CD200R1L: variants seen among roughly 807,000 people sequenced by gnomAD.
CD200R1L encodes CD200 receptor 1 like.
In CD200R1L, 14 loss-of-function variants were observed where a neutral mutation model predicts 24.8. The observed-to-expected ratio is 0.56, with a 90% CI of 0.37 to 0.88. The LOEUF is 0.88. CD200R1L is among the 40% of genes least tolerant of loss of function. CD200R1L has a pLI of 0.00. For missense variants in CD200R1L, 299 were observed against 297.8 expected (o/e 1.00, Z -0.03); for synonymous variants, 111 against 109.2 (o/e 1.02, Z -0.11).
intron 1 of CD200R1L, among the ~76,000 whole-genome samples, chr3:112,846,166 A>G (rs966876786): frequency 1.3e-5 from 2 of 152,214 alleles, no homozygotes; most frequent in Non-Finnish European, 1.5e-5. Context: ...AGATGTTGAT[A>G]ATTATTATTC....
At chr3:112,829,188 C>A in intron 4 of CD200R1L, 131 bp downstream of exon 4, 1 of 661,594 alleles carries the variant, frequency 1.5e-6, no homozygotes, top group East Asian at 2.7e-5. Context: ...TCCTTCGTAC[C>A]ACAGCACTCA....
intron 2 of CD200R1L, among the ~76,000 whole-genome samples, chr3:112,842,622 G>A (rs924159801): frequency 3.9e-5 from 6 of 152,206 alleles, no homozygotes; most frequent in African/African-American, 7.2e-5. Flanking sequence ...ATAAATGGGT[G>A]TGAAAGTAGG....
intron 3 of CD200R1L, among the ~76,000 whole-genome samples, chr3:112,834,215 A>G (rs1431817496): frequency 6.9e-6 from 1 of 144,114 alleles, no homozygotes; most frequent in African/African-American, 2.5e-5. Flanking sequence ...GAAGTGGGGT[A>G]GTCTCACTCA....
chr3:112,823,094 A>G (rs1197932638), intron 6 of CD200R1L, among the ~76,000 whole-genome samples: 1 of 152,190 alleles, frequency 6.6e-6, no homozygotes, highest in African/African-American at 2.4e-5. Context: ...TAACTCATAA[A>G]CCAGCTTTGT....
chr3:112,816,981 C>T (rs1938411100), intron 7 of CD200R1L, among the ~76,000 whole-genome samples: 1 of 152,150 alleles, frequency 6.6e-6, no homozygotes, highest in Non-Finnish European at 1.5e-5. Flanking sequence ...CCATGTGGAA[C>T]TGTGAGTCAA....
Position 112,832,655 on chromosome 3 carries a change from A to G in CD200R1L, c.-17-3271T>C, listed in dbSNP as rs147489570. On this transcript the variant is annotated intron_variant, in intron 3 of 7. Coordinates refer to ENST00000488794, the MANE Select transcript of CD200R1L (RefSeq NM_001199215.3). ...TATAGTAGATCAATGCAAAATTACC[A>G]AAGTATCAGCCCCAACGGCAGCTAC... 2.4e-3 allele frequency among the ~76,000 whole-genome samples: 372 copies of G among 152,308 alleles called. 2 individuals carry two copies. Among genetic ancestry groups the G allele is most frequent in the African/African-American group, 8.5e-3 (355 of 41,566 alleles).
At chr3:112,818,538 A>G (rs1446213378) in intron 7 of CD200R1L, among the ~76,000 whole-genome samples, 2 of 152,262 alleles carry the variant, frequency 1.3e-5, no homozygotes, top group Non-Finnish European at 2.9e-5. Context: ...CTAGCAAGCA[A>G]GTAATGGATG....
At chr3:112,830,582 T>G (rs1278178491) in intron 3 of CD200R1L, among the ~76,000 whole-genome samples, 1 of 150,668 alleles carries the variant, frequency 6.6e-6, no homozygotes, top group African/African-American at 2.4e-5. Flanking sequence ...CTGATGAGTA[T>G]TTCCCATGCT....
Position 112,815,927 on chromosome 3 carries a change from AAGG to A in CD200R1L, c.*33_*35del. 1.3e-6 allele frequency: 1 copy of A among 780,230 alleles called. No individual in the cohort carries two copies. The allele number at this position is 780,230 out of a possible 1,614,324, so 48.3% of individuals were successfully genotyped here. A position where few individuals can be genotyped will look rare whatever the true frequency, so the allele number is the denominator to read the frequency against. ...CTCACCAATGTTGCAGTCCAGAGAC[AAGG>A]AGGAGAAGCAAAAGAAGACCCTTCC... On this transcript the variant is annotated 3_prime_UTR_variant, in exon 8 of 8. Transcript: ENST00000488794.
chr3:112,824,879 A>G (rs1576088252), intron 6 of CD200R1L, among the ~76,000 whole-genome samples: 1 of 152,216 alleles, frequency 6.6e-6, no homozygotes. Context: ...AAACTTCAAC[A>G]GGAATTGATC....
intron 3 of CD200R1L, among the ~76,000 whole-genome samples, chr3:112,837,177 C>A (rs983210311): frequency 2.0e-5 from 3 of 151,986 alleles, no homozygotes; most frequent in African/African-American, 2.4e-5. Context: ...ACAAAATATT[C>A]TTTTATATTT....
chr3:112,820,205 A>G (rs1576085274), intron 6 of CD200R1L, among the ~76,000 whole-genome samples: 1 of 152,322 alleles, frequency 6.6e-6, no homozygotes, highest in Non-Finnish European at 1.5e-5. Context: ...TCCCCTGTAT[A>G]TTCCAACTTC....
intron 6 of CD200R1L, among the ~76,000 whole-genome samples, chr3:112,824,793 AC>A (rs1237060711): frequency 1.3e-5 from 2 of 152,224 alleles, no homozygotes; most frequent in Non-Finnish European, 2.9e-5. Flanking sequence ...TTCTGTGAGC[AC>A]AGAGGAGGAA....
chr3:112,818,152 A>G (rs974806792), intron 7 of CD200R1L, among the ~76,000 whole-genome samples: 3 of 152,256 alleles, frequency 2.0e-5, no homozygotes, highest in Non-Finnish European at 4.4e-5. Context: ...AAACATATCA[A>G]CTTGCTACTT....
In CD200R1L at chr3:112,815,892, C is replaced by G; in HGVS notation, c.*71G>C. On this transcript the variant is annotated 3_prime_UTR_variant, in exon 8 of 8. Transcript: ENST00000488794. ...CCATGGCCCAAGTTCACTGCTGGACCATCACTCATCTCACCAATGTTGCAG... is the reference window on the plus strand; with the variant it reads ...CCATGGCCCAAGTTCACTGCTGGACGATCACTCATCTCACCAATGTTGCAG... 1 of 775,428 alleles carries G rather than the reference C, an allele frequency of 1.3e-6. No individual in the cohort carries two copies. Among genetic ancestry groups the G allele is most frequent in the Non-Finnish European group, 2.4e-6 (1 of 415,674 alleles). The allele number at this position is 775,428 out of a possible 1,614,324, so 48.0% of individuals were successfully genotyped here. A position where few individuals can be genotyped will look rare whatever the true frequency, so the allele number is the denominator to read the frequency against.
In CD200R1L at chr3:112,821,422, T is replaced by G. The variant is rs2107330985; in HGVS notation, c.617-1527A>C. Among the ~76,000 whole-genome samples the G allele has an allele frequency of 1.3e-5, 2 of 152,356 alleles. 1 individual carries two copies. Among genetic ancestry groups the G allele is most frequent in the African/African-American group, 4.8e-5 (2 of 41,588 alleles). ...AAGCAACTACCTTTCCTTTTATTCC[T>G]AAGCAGATAGCTACAGATAAAACAT... On this transcript the variant is annotated intron_variant, in intron 6 of 7. Transcript: ENST00000488794.
At chr3:112,818,938 G>A (rs556293792) in intron 7 of CD200R1L, among the ~76,000 whole-genome samples, 1 of 152,202 alleles carries the variant, frequency 6.6e-6, no homozygotes, top group Admixed American at 6.5e-5. Flanking sequence ...CCCAGAGACT[G>A]AGACCGGGTA....
intron 7 of CD200R1L, among the ~76,000 whole-genome samples, chr3:112,817,760 C>T (rs947428717): frequency 6.6e-6 from 1 of 152,142 alleles, no homozygotes; most frequent in Admixed American, 6.6e-5. Context: ...TTCATTTTTT[C>T]CCTTAGGGCT....
intron 2 of CD200R1L, among the ~76,000 whole-genome samples, chr3:112,838,346 G>A (rs1268568123): frequency 1.3e-5 from 2 of 152,056 alleles, no homozygotes; most frequent in Non-Finnish European, 2.9e-5. Flanking sequence ...GGGCCCAGGA[G>A]TAAAGTTCCA....
Sources: gnomAD v4.1 joint callset for allele counts (sites outside exome capture counted in the v4.1 genomes callset) on GRCh38, gnomAD v4.1.1 for gene constraint, MANE v1.5 for transcripts, NCBI Gene and HGNC (gene_info 2026-07-23, HGNC 2026-07-21) for gene names.